RNF7: variants seen among roughly 807,000 people sequenced by gnomAD.
RNF7 encodes the protein RING-box protein 2.
RNF7 carries 9 observed loss-of-function variants against 17.0 expected under a neutral mutation model. The observed-to-expected ratio is 0.53, with a 90% CI of 0.32 to 0.92. RNF7 has a LOEUF of 0.92. Among genes scored for constraint, RNF7 ranks in the 40% least tolerant of loss-of-function variants. The pLI is 0.04. For missense variants in RNF7, 87 were observed against 145.8 expected (o/e 0.60, Z 2.08); for synonymous variants, 59 against 50.5 (o/e 1.17, Z -0.72).
Position 141,747,007 on chromosome 3 carries a change from T to C in RNF7, c.*1730T>C, listed in dbSNP as rs2107861458. The C allele has an allele frequency of 6.6e-6, 1 of 152,366 alleles. No homozygotes were observed. Among genetic ancestry groups the C allele is most frequent in the Middle Eastern group, 3.4e-3 (1 of 294 alleles). The allele number at this position is 152,366 out of a possible 1,614,324, so 9.4% of individuals were successfully genotyped here. On this transcript the variant is annotated 3_prime_UTR_variant, in exon 3 of 3. Coordinates refer to ENST00000273480, the MANE Select transcript of RNF7 (RefSeq NM_014245.5). ...TAAAATGTGAACCAGATACATGGCTTTGCATTGAAGAGGAAAGCAGTAGAA... is the reference window on the plus strand; with the variant it reads ...TAAAATGTGAACCAGATACATGGCTCTGCATTGAAGAGGAAAGCAGTAGAA...
chr3:141,738,371 C>G lies in RNF7; in HGVS notation c.30C>G (p.Thr10=), dbSNP rs919505952. ...CCGACGTGGAAGACGGAGAGGAAAC[C>G]TGCGCCCTGGCCTCTCACTCCGGGA... is the stretch of plus-strand genomic sequence containing the variant. MADVEDGEE[T]CALASHSGSS... The change falls in exon 1 of 3, where the codon ACC becomes ACG. Residue 10 remains threonine (T), a synonymous_variant. Coordinates refer to ENST00000273480, the MANE Select transcript of RNF7 (RefSeq NM_014245.5). 7 of 1,589,186 alleles carry G rather than the reference C, an allele frequency of 4.4e-6. No individual in the cohort carries two copies. Among genetic ancestry groups the G allele is most frequent in the Non-Finnish European group, 4.3e-6 (5 of 1,168,408 alleles).
At chr3:141,741,410 A>C (rs138261482) in intron 1 of RNF7, among the ~76,000 whole-genome samples, 6,342 of 152,320 alleles carry the variant, frequency 0.042, 161 homozygotes, top group Non-Finnish European at 0.056. Flanking sequence ...TTTAATCCAC[A>C]CTGAAGAGAC....
In RNF7 at chr3:141,746,820, T is replaced by C. The variant is rs2084479403; in HGVS notation, c.*1543T>C. 1.3e-5 allele frequency: 2 copies of C among 152,264 alleles called. No individual in the cohort carries two copies. The highest frequency in any genetic ancestry group is 2.9e-5 in the Non-Finnish European group (2 of 68,032). The allele number at this position is 152,264 out of a possible 1,614,324, so 9.4% of individuals were successfully genotyped here. A position where few individuals can be genotyped will look rare whatever the true frequency, so the allele number is the denominator to read the frequency against. ...ATGCTTTTATATGGGTTACTTTTTA[T>C]TGATCACATTTCTCTGGAAATTTTT... On this transcript the variant is annotated 3_prime_UTR_variant, in exon 3 of 3. Coordinates refer to ENST00000273480, the MANE Select transcript of RNF7 (RefSeq NM_014245.5).
chr3:141,741,093 A>G (rs2084411915), intron 1 of RNF7, among the ~76,000 whole-genome samples: 1 of 152,238 alleles, frequency 6.6e-6, no homozygotes. Flanking sequence ...TCATGACTGT[A>G]TCACCTTGGA....
chr3:141,745,214 G>A lies in RNF7; in HGVS notation c.279G>A (p.Val93=). 6.2e-7 allele frequency: 1 copy of A among 1,613,632 alleles called. No individual in the cohort carries two copies. The highest frequency in any genetic ancestry group is 8.5e-7 in the Non-Finnish European group (1 of 1,179,896). The change falls in exon 3 of 3, where the codon GTG becomes GTA. Residue 93 remains valine (V), a synonymous_variant. Coordinates refer to ENST00000273480, the MANE Select transcript of RNF7 (RefSeq NM_014245.5). Reference sequence around the variant, plus strand: ...ACAACTGCTGCATGTCCCTGTGGGTGAAACAGAACAATCGCTGCCCTCTCT... The same window carrying A: ...ACAACTGCTGCATGTCCCTGTGGGTAAAACAGAACAATCGCTGCCCTCTCT... ...SFHNCCMSLW[V]KQNNRCPLCQ...
At chr3:141,744,318 A>G (rs756323846) in intron 2 of RNF7, among the ~76,000 whole-genome samples, 9 of 152,138 alleles carry the variant, frequency 5.9e-5, no homozygotes, top group Non-Finnish European at 1.2e-4. Context: ...GCCAATTTTC[A>G]TAGGCATTTT....
chr3:141,743,028 G>A, intron 1 of RNF7: 1 of 468,174 alleles, frequency 2.1e-6, no homozygotes, highest in Non-Finnish European at 2.8e-6. Context: ...CTGGAAGAGT[G>A]AAAACTCTCC....
chr3:141,742,833 G>C lies in RNF7; in HGVS notation c.176-676G>C, dbSNP rs926503003. On this transcript the variant is annotated intron_variant, in intron 1 of 2. Transcript: ENST00000273480. ...AGCATACAAAGCAGTTTATTTTAGA[G>C]GAACTCTCAAGTGTCTTAGGGTAGA... is the stretch of plus-strand genomic sequence containing the variant. The C allele has an allele frequency of 6.0e-6, 7 of 1,170,390 alleles. No homozygotes were observed. The African/African-American group carries it at 1.2e-4, about 19-fold the overall frequency. 72.5% of individuals were successfully genotyped at this position (1,170,390 alleles called of 1,614,324 possible). A position where few individuals can be genotyped will look rare whatever the true frequency, so the allele number is the denominator to read the frequency against.
chr3:141,744,821 A>G (rs576320677), intron 2 of RNF7, among the ~76,000 whole-genome samples: 2 of 152,226 alleles, frequency 1.3e-5, no homozygotes, highest in Non-Finnish European at 2.9e-5. Context: ...GAAGATCTCT[A>G]AGGTCAGTGC....
In RNF7 at chr3:141,747,441, C is replaced by T. The variant is rs1221599004; in HGVS notation, c.*2164C>T. On this transcript the variant is annotated 3_prime_UTR_variant, in exon 3 of 3. Coordinates refer to ENST00000273480, the MANE Select transcript of RNF7 (RefSeq NM_014245.5). Reference sequence around the variant, plus strand: ...CTCTATGCAAATTGTGTTATTACAGCTGACCGCTATCAGTAAATCTTAATT... The same window carrying T: ...CTCTATGCAAATTGTGTTATTACAGTTGACCGCTATCAGTAAATCTTAATT... The T allele has an allele frequency of 6.6e-6, 1 of 152,214 alleles. No individual in the cohort carries two copies. The highest frequency in any genetic ancestry group is 1.5e-5 in the Non-Finnish European group (1 of 68,050). 9.4% of individuals were successfully genotyped at this position (152,214 alleles called of 1,614,324 possible). A position where few individuals can be genotyped will look rare whatever the true frequency, so the allele number is the denominator to read the frequency against.
intron 1 of RNF7, among the ~76,000 whole-genome samples, chr3:141,740,677 G>A (rs1448578107): frequency 5.3e-5 from 8 of 152,168 alleles, no homozygotes; most frequent in African/African-American, 1.7e-4. Context: ...ATTCTAAAAG[G>A]TGTTATTGTA....
rs374610241 is a variant in RNF7, at chr3:141,745,321, T to C, written c.*44T>C. 3.8e-6 allele frequency: 5 copies of C among 1,328,138 alleles called. No individual in the cohort carries two copies. Among genetic ancestry groups the C allele is most frequent in the African/African-American group, 1.5e-5 (1 of 68,882 alleles). 82.3% of individuals were successfully genotyped at this position (1,328,138 alleles called of 1,614,324 possible). On this transcript the variant is annotated 3_prime_UTR_variant, in exon 3 of 3. Transcript: ENST00000273480. Reference sequence around the variant, plus strand: ...TTAGCGCAGTTGTTCAGAGCCCTGGTGGATCTTGTAATCCAGTGCCCTACA... The same window carrying C: ...TTAGCGCAGTTGTTCAGAGCCCTGGCGGATCTTGTAATCCAGTGCCCTACA...
rs1172243355 is a variant in RNF7, at chr3:141,746,034, T to TG, written c.*759dup. The TG allele has an allele frequency of 2.0e-5, 3 of 151,332 alleles. No homozygotes were observed. The highest frequency in any genetic ancestry group is 4.4e-5 in the Non-Finnish European group (3 of 67,936). The allele number at this position is 151,332 out of a possible 1,614,324, so 9.4% of individuals were successfully genotyped here. On this transcript the variant is annotated 3_prime_UTR_variant, in exon 3 of 3. Transcript: ENST00000273480. ...CTCTGCCACCCAGGCTGGAGTGCAG[T>TG]GGCATGATGTCAACTCACTGCAACC...
intron 1 of RNF7, 97 bp downstream of exon 1, chr3:141,738,613 T>G (rs1026939974): frequency 1.7e-5 from 22 of 1,300,376 alleles, no homozygotes; most frequent in Non-Finnish European, 2.2e-5. Context: ...CCTCGGAAAG[T>G]GCCCTGCCTG....
intron 1 of RNF7, chr3:141,742,733 G>A (rs1485102229): frequency 3.1e-6 from 4 of 1,278,086 alleles, no homozygotes; most frequent in South Asian, 1.2e-5. Context: ...TGGCTCCACA[G>A]CCCTCGCTGT....
intron 1 of RNF7, among the ~76,000 whole-genome samples, chr3:141,742,388 G>A (rs1174868760): frequency 2.6e-5 from 4 of 151,436 alleles, no homozygotes; most frequent in East Asian, 1.9e-4. Context: ...CACCACGCCC[G>A]GCTAATTTTT....
At chr3:141,744,849 A>G (rs539823273) in intron 2 of RNF7, among the ~76,000 whole-genome samples, 26 of 152,358 alleles carry the variant, frequency 1.7e-4, no homozygotes, top group African/African-American at 5.8e-4. Context: ...AGAAGGTCAG[A>G]TCTAAGGAAG....
intron 1 of RNF7, among the ~76,000 whole-genome samples, chr3:141,739,557 C>T (rs554626185): frequency 1.3e-5 from 2 of 152,302 alleles, no homozygotes; most frequent in South Asian, 4.1e-4. Flanking sequence ...ACGGACATTT[C>T]TATCGTTTGA....
At position 141,743,626 on chromosome 3, in the gene RNF7, A is replaced by T. The variant is rs376688354; in HGVS notation, c.223+70A>T. 106 of 1,125,564 alleles carry T rather than the reference A, an allele frequency of 9.4e-5. No homozygotes were observed. In the African/African-American group the frequency reaches 1.4e-3, roughly 14 times the overall value. 69.7% of individuals were successfully genotyped at this position (1,125,564 alleles called of 1,614,324 possible). A position where few individuals can be genotyped will look rare whatever the true frequency, so the allele number is the denominator to read the frequency against. On this transcript the variant is annotated intron_variant, in intron 2 of 2. Transcript: ENST00000273480. ...CTCTCAGTAGGGATGTTTGAATTTG[A>T]AATTAAGATTGACTTTATCAATACA... is the stretch of plus-strand genomic sequence containing the variant.
Sources: gnomAD v4.1 joint callset for allele counts (sites outside exome capture counted in the v4.1 genomes callset) on GRCh38, gnomAD v4.1.1 for gene constraint, MANE v1.5 for transcripts, NCBI Gene and HGNC (gene_info 2026-07-23, HGNC 2026-07-21) for gene names.